The following SFXN5 variants were observed in gnomAD, a reference collection of about 807,000 sequenced individuals.
SFXN5 encodes the protein sideroflexin 5.
SFXN5 carries 43 observed loss-of-function variants against 50.2 expected under a neutral mutation model. The observed-to-expected ratio is 0.86, with a 90% CI of 0.67 to 1.11. SFXN5 has a LOEUF of 1.11. Ranked by LOEUF, SFXN5 falls within the 50% of genes least tolerant of loss-of-function variation. SFXN5 has a pLI of 0.00. For synonymous variants in SFXN5, 203 were observed against 185.8 expected (o/e 1.09, Z -0.75); for missense variants, 463 against 454.1 (o/e 1.02, Z -0.18).
At chr2:73,059,049 G>T in intron 1 of SFXN5, 3 of 997,286 alleles carry the variant, frequency 3.0e-6, no homozygotes, top group African/African-American at 1.7e-5. Context: ...CTGCCTCCAG[G>T]GGGGATCCCC....
chr2:72,958,592 A>C (rs1015689488), intron 13 of SFXN5, among the ~76,000 whole-genome samples: 1 of 152,044 alleles, frequency 6.6e-6, no homozygotes, highest in East Asian at 1.9e-4. Flanking sequence ...CACATGGGTG[A>C]CTCTGGCCCT....
intron 11 of SFXN5, among the ~76,000 whole-genome samples, chr2:72,970,992 T>C (rs1675099776): frequency 6.6e-6 from 1 of 152,084 alleles, no homozygotes; most frequent in Non-Finnish European, 1.5e-5. Context: ...CCAGCCTGTG[T>C]TTTCATTTTT....
chr2:72,989,998 G>C (rs1373413207), intron 9 of SFXN5, among the ~76,000 whole-genome samples: 1 of 152,234 alleles, frequency 6.6e-6, no homozygotes, highest in Non-Finnish European at 1.5e-5. Flanking sequence ...GTTGTGGGTG[G>C]TTGGGGAGGA....
At position 72,945,394 on chromosome 2, in the gene SFXN5, C is replaced by G. The variant is rs1167577269; in HGVS notation, c.946-295G>C. On this transcript the variant is annotated intron_variant, in intron 13 of 13. Coordinates refer to ENST00000272433, the MANE Select transcript of SFXN5 (RefSeq NM_144579.3). This position sits in a 1 kb window ranked among gnomAD's most constrained non-coding sequence, Gnocchi z 5.8. ...CCTCTGAGTTCTGCATCTCCCTCAC[C>G]CCCAAGAACCATGTCCACTGCACTG... is the stretch of plus-strand genomic sequence containing the variant. Among the ~76,000 whole-genome samples the G allele has an allele frequency of 6.6e-6, 1 of 152,112 alleles. No homozygotes were observed. Among genetic ancestry groups the G allele is most frequent in the African/African-American group, 2.4e-5 (1 of 41,418 alleles).
At chr2:72,990,250 T>C (rs1316638061) in intron 9 of SFXN5, among the ~76,000 whole-genome samples, 2 of 151,918 alleles carry the variant, frequency 1.3e-5, no homozygotes, top group East Asian at 3.9e-4. Context: ...ATCCTCAGAG[T>C]CCAATCCTTG....
chr2:73,065,930 G>T (rs113047334), intron 1 of SFXN5, among the ~76,000 whole-genome samples: 28 of 152,280 alleles, frequency 1.8e-4, no homozygotes, highest in Non-Finnish European at 3.5e-4. Context: ...CTGTCCTGGG[G>T]CCCCAACATG....
chr2:72,947,221 A>G (rs1289332781), intron 13 of SFXN5, among the ~76,000 whole-genome samples: 2 of 152,226 alleles, frequency 1.3e-5, no homozygotes, highest in African/African-American at 4.8e-5. Context: ...CTCAAAGCCT[A>G]GCACAATGCT....
intron 1 of SFXN5, chr2:73,070,926 T>C (rs1683546310): frequency 6.6e-6 from 1 of 152,140 alleles, no homozygotes; most frequent in Admixed American, 6.5e-5. Flanking sequence ...TGACACAGCG[T>C]TTCCCCCGCA....
intron 12 of SFXN5, among the ~76,000 whole-genome samples, chr2:72,962,422 C>T (rs912612743): frequency 6.6e-6 from 1 of 152,228 alleles, no homozygotes; most frequent in Non-Finnish European, 1.5e-5. Flanking sequence ...GAGAAGACAG[C>T]AAAATTGGGA....
chr2:73,036,815 G>T (rs1279538385), intron 3 of SFXN5, among the ~76,000 whole-genome samples: 2 of 152,186 alleles, frequency 1.3e-5, no homozygotes. Flanking sequence ...GCCTGAGTAG[G>T]GTGGGGTACC....
At position 73,056,236 on chromosome 2, in the gene SFXN5, GC is replaced by G. The variant is rs1682100960; in HGVS notation, c.171+2291del. On this transcript the variant is annotated intron_variant, in intron 2 of 13. Transcript: ENST00000272433. ...TACATATAAAAAGTCCGTCAAATTAGCCTGTTGTGGTGGCAGGTGCCTGTAA... is the reference window on the plus strand; with the variant it reads ...TACATATAAAAAGTCCGTCAAATTAGCTGTTGTGGTGGCAGGTGCCTGTAA... Among the ~76,000 whole-genome samples, 9 of 152,272 alleles carry G rather than the reference GC, an allele frequency of 5.9e-5. No homozygotes were observed. In the South Asian group the frequency reaches 1.7e-3, roughly 28 times the overall value.
At chr2:73,055,044 T>C (rs565782356) in intron 2 of SFXN5, among the ~76,000 whole-genome samples, 18 of 152,152 alleles carry the variant, frequency 1.2e-4, no homozygotes, top group Non-Finnish European at 1.9e-4. Context: ...CCCCTGGACA[T>C]GAGGGGGGAT....
At chr2:73,055,897 G>A (rs868261808) in intron 2 of SFXN5, among the ~76,000 whole-genome samples, 1 of 152,196 alleles carries the variant, frequency 6.6e-6, no homozygotes, top group Non-Finnish European at 1.5e-5. Flanking sequence ...GATTACAGGC[G>A]TCGGCCACCG....
At chr2:73,052,945 A>G (rs2105996465) in intron 2 of SFXN5, among the ~76,000 whole-genome samples, 1 of 152,366 alleles carries the variant, frequency 6.6e-6, no homozygotes, top group South Asian at 2.1e-4. Flanking sequence ...TGGGAGGCCA[A>G]GGCGGGCAGA....
intron 9 of SFXN5, chr2:72,996,510 T>G (rs1187152304): frequency 2.7e-5 from 4 of 150,236 alleles, no homozygotes; most frequent in Non-Finnish European, 4.4e-5. Flanking sequence ...GAGTTTTGTT[T>G]TTTTTTTTTT....
intron 6 of SFXN5, among the ~76,000 whole-genome samples, chr2:73,011,205 C>T (rs1675456043): frequency 6.6e-6 from 1 of 152,170 alleles, no homozygotes; most frequent in Non-Finnish European, 1.5e-5. Context: ...AGGCGCACAC[C>T]ACCATGCCTG....
intron 1 of SFXN5, among the ~76,000 whole-genome samples, chr2:73,063,625 C>A (rs1012742901): frequency 2.0e-5 from 3 of 152,170 alleles, no homozygotes; most frequent in African/African-American, 7.2e-5. Context: ...GTGACTTAGA[C>A]CTGCCAATCA....
chr2:72,998,693 C>CA, intron 9 of SFXN5: 1 of 529,964 alleles, frequency 1.9e-6, no homozygotes, highest in Non-Finnish European at 3.4e-6. Context: ...CCACTCAAGA[C>CA]AGATGTCCTG....
intron 2 of SFXN5, among the ~76,000 whole-genome samples, chr2:73,045,596 T>C (rs1680220493): frequency 6.6e-6 from 1 of 152,050 alleles, no homozygotes. Flanking sequence ...AGGGAGGTTA[T>C]GTTCCACCAT....
Sources: gnomAD v4.1 joint callset for allele counts (sites outside exome capture counted in the v4.1 genomes callset) on GRCh38, gnomAD v4.1.1 for gene constraint, Gnocchi (gnomAD v3.1) non-coding constraint, MANE v1.5 for transcripts, NCBI Gene and HGNC (gene_info 2026-07-23, HGNC 2026-07-21) for gene names.